PEX14: variants seen among roughly 807,000 people sequenced by gnomAD.
The protein encoded by PEX14 is peroxisomal membrane protein PEX14.
In PEX14, 15 loss-of-function variants were observed where a neutral mutation model predicts 49.5. That is an observed-to-expected ratio of 0.30 (90% CI 0.20 to 0.47). The LOEUF is 0.47. Among genes scored for constraint, PEX14 ranks in the 20% least tolerant of loss-of-function variants. The pLI, the probability that PEX14 is intolerant of heterozygous loss-of-function variation, is 1.00. For synonymous variants in PEX14, 210 were observed against 212.7 expected (o/e 0.99, Z 0.11); for missense variants, 398 against 494.8 (o/e 0.80, Z 1.86).
At chr1:10,475,474 G>A (rs1040714069) in intron 1 of PEX14, among the ~76,000 whole-genome samples, 2 of 152,176 alleles carry the variant, frequency 1.3e-5, no homozygotes, top group African/African-American at 4.8e-5. Flanking sequence ...TCACCTTTGC[G>A]CTTCTCTCGT....
At chr1:10,491,470 T>G (rs879548127) in intron 1 of PEX14, among the ~76,000 whole-genome samples, 4 of 151,156 alleles carry the variant, frequency 2.6e-5, no homozygotes, top group Non-Finnish European at 4.4e-5. Context: ...AATCTCTGCC[T>G]CCTGGGATCA....
At chr1:10,559,736 T>C (rs1162281763) in intron 3 of PEX14, among the ~76,000 whole-genome samples, 1 of 152,202 alleles carries the variant, frequency 6.6e-6, no homozygotes, top group Non-Finnish European at 1.5e-5. Flanking sequence ...TCTACAGAAC[T>C]AGAGACTTCT....
At chr1:10,521,990 T>C (rs2483678) in intron 2 of PEX14, among the ~76,000 whole-genome samples, 123,250 of 152,122 alleles carry the variant, frequency 0.81, 50,037 homozygotes, top group Non-Finnish European at 0.83. Flanking sequence ...GTGATCGTAG[T>C]GTTGTAGGAA....
chr1:10,515,417 A>G (rs905330086), intron 2 of PEX14, among the ~76,000 whole-genome samples: 2 of 152,196 alleles, frequency 1.3e-5, no homozygotes, highest in Non-Finnish European at 2.9e-5. Context: ...TTTGAGGCCG[A>G]GGCTGTTCTG....
intron 3 of PEX14, among the ~76,000 whole-genome samples, chr1:10,574,006 G>A (rs1240707685): frequency 6.6e-6 from 1 of 152,198 alleles, no homozygotes; most frequent in Non-Finnish European, 1.5e-5. Context: ...GGAGGCTGAG[G>A]CAGGATAATC....
At position 10,629,946 on chromosome 1, in the gene PEX14, C is replaced by T. The variant is rs904521069; in HGVS notation, c.1093C>T (p.Arg365Trp). ...GATCAACGAGCAGGTGGAGAAGCTGCGGCGGCCCGAGGGCGCCAGCAACGA... is the reference window on the plus strand; with the variant it reads ...GATCAACGAGCAGGTGGAGAAGCTGTGGCGGCCCGAGGGCGCCAGCAACGA... ...GQINEQVEKL[R>W]RPEGASNESE... Residue 365 changes from arginine to tryptophan, a missense_variant, in exon 9 of 9, where the codon CGG (arginine) becomes TGG (tryptophan). By Grantham distance (101) the Arg-to-Trp change is moderately radical (BLOSUM62 -3). Coordinates refer to ENST00000356607, the MANE Select transcript of PEX14 (RefSeq NM_004565.3). The surrounding 1 kb of genome is among the most constrained non-coding windows in gnomAD (Gnocchi z 8.5). The T allele has an allele frequency of 6.2e-7, 1 of 1,611,854 alleles. No individual in the cohort carries two copies. The highest frequency in any genetic ancestry group is 2.2e-5 in the East Asian group (1 of 44,804).
chr1:10,576,095 T>A lies in PEX14; in HGVS notation c.170-23143T>A, dbSNP rs565119570. Among the ~76,000 whole-genome samples the A allele has an allele frequency of 1.1e-4, 16 of 152,326 alleles. No homozygotes were observed. The South Asian group carries it at 3.3e-3, about 32-fold the overall frequency. ...ATTGGGATATTAGTGCTTTACTTATTGATTTTTAAATACCCTTTATATATT... is the reference window on the plus strand; with the variant it reads ...ATTGGGATATTAGTGCTTTACTTATAGATTTTTAAATACCCTTTATATATT... On this transcript the variant is annotated intron_variant, in intron 3 of 8. Transcript: ENST00000356607.
chr1:10,522,237 G>A (rs1213598658), intron 2 of PEX14, among the ~76,000 whole-genome samples: 3 of 152,210 alleles, frequency 2.0e-5, no homozygotes, highest in Non-Finnish European at 2.9e-5. Flanking sequence ...GGAAATAAAT[G>A]CTTTTATAGA....
At chr1:10,562,914 C>T (rs1055964819) in intron 3 of PEX14, among the ~76,000 whole-genome samples, 5 of 146,004 alleles carry the variant, frequency 3.4e-5, no homozygotes, top group South Asian at 2.1e-4. Flanking sequence ...TTCTTTCTTT[C>T]TTTTCTTTTT....
intron 4 of PEX14, among the ~76,000 whole-genome samples, chr1:10,602,088 A>G (rs1415547705): frequency 6.6e-6 from 1 of 152,220 alleles, no homozygotes; most frequent in Non-Finnish European, 1.5e-5. Context: ...TGAAAGAGGC[A>G]AAAGAATGGG....
intron 2 of PEX14, among the ~76,000 whole-genome samples, chr1:10,516,044 C>A (rs761689439): frequency 5.9e-5 from 9 of 152,200 alleles, no homozygotes; most frequent in Non-Finnish European, 1.0e-4. Flanking sequence ...TAGACTGATG[C>A]TACTGTTTTT....
intron 3 of PEX14, among the ~76,000 whole-genome samples, chr1:10,595,613 C>A (rs1190366120): frequency 6.6e-6 from 1 of 152,178 alleles, no homozygotes; most frequent in Non-Finnish European, 1.5e-5. Flanking sequence ...TTGACTAATT[C>A]TTCCAAAGAT....
rs1640867733 is a variant in PEX14, at chr1:10,597,677, G to C, written c.170-1561G>C. Among the ~76,000 whole-genome samples the C allele has an allele frequency of 6.6e-6, 1 of 152,178 alleles. No homozygotes were observed. Among genetic ancestry groups the C allele is most frequent in the South Asian group, 2.1e-4 (1 of 4,826 alleles). On this transcript the variant is annotated intron_variant, in intron 3 of 8. Coordinates refer to ENST00000356607, the MANE Select transcript of PEX14 (RefSeq NM_004565.3). The surrounding 1 kb of genome is among the most constrained non-coding windows in gnomAD (Gnocchi z 5.7). The stretch of plus-strand genomic sequence containing the variant: ...GAGCATGGTGCTATCAGGGCAACCC[G>C]GTGGCTCTTCAGACTTCCCAGTGGT...
chr1:10,621,012 G>A (rs1641573177), intron 5 of PEX14, among the ~76,000 whole-genome samples: 1 of 152,204 alleles, frequency 6.6e-6, no homozygotes, highest in Non-Finnish European at 1.5e-5. Flanking sequence ...GGCCTGACGG[G>A]AGCGGGAGGG....
At chr1:10,572,441 A>C (rs1640002835) in intron 3 of PEX14, among the ~76,000 whole-genome samples, 1 of 152,232 alleles carries the variant, frequency 6.6e-6, no homozygotes, top group African/African-American at 2.4e-5. Flanking sequence ...AAAATCAAGC[A>C]CTTCTATTCA....
chr1:10,582,278 T>C (rs1229777918), intron 3 of PEX14, among the ~76,000 whole-genome samples: 2 of 152,162 alleles, frequency 1.3e-5, no homozygotes, highest in Non-Finnish European at 2.9e-5. Flanking sequence ...CAGTGTGCTT[T>C]ATTCACATTT....
Position 10,629,714 on chromosome 1 carries a change from G to C in PEX14, c.861G>C (p.Thr287=), listed in dbSNP as rs371329619. The change falls in exon 9 of 9, where the codon ACG becomes ACC. Residue 287 remains threonine (T), a synonymous_variant. Transcript: ENST00000356607. This position sits in a 1 kb window ranked among gnomAD's most constrained non-coding sequence, Gnocchi z 8.5. The stretch of plus-strand genomic sequence containing the variant: ...AGGGCCACAGCCCCGAGGGCTCCAC[G>C]GTCACCTACCACTTGCTGGGCCCCC... ...GKEGHSPEGS[T]VTYHLLGPQE... 5.0e-6 allele frequency: 8 copies of C among 1,607,390 alleles called. No individual in the cohort carries two copies. The highest frequency in any genetic ancestry group is 6.8e-6 in the Non-Finnish European group (8 of 1,177,028).
rs1640873795 is a variant in PEX14 at position 10,597,933 on chromosome 1, C to G, written c.170-1305C>G. Among the ~76,000 whole-genome samples, 1 of 152,228 alleles carries G rather than the reference C, an allele frequency of 6.6e-6. No homozygotes were observed. Among genetic ancestry groups the G allele is most frequent in the African/African-American group, 2.4e-5 (1 of 41,456 alleles). On this transcript the variant is annotated intron_variant, in intron 3 of 8. Coordinates refer to ENST00000356607, the MANE Select transcript of PEX14 (RefSeq NM_004565.3). The surrounding 1 kb of genome is among the most constrained non-coding windows in gnomAD (Gnocchi z 5.7). ...TATGCCAGTATGGTGCAGGGCGGAG[C>G]TGTGCTTTAAAGCATTAATGTGCAC...
intron 2 of PEX14, among the ~76,000 whole-genome samples, chr1:10,508,167 A>G (rs1641819684): frequency 6.6e-6 from 1 of 152,010 alleles, no homozygotes; most frequent in Non-Finnish European, 1.5e-5. Context: ...TCAGAAACAC[A>G]TGAAGGGGAA....
Sources: allele counts gnomAD v4.1 joint callset (sites outside exome capture counted in the v4.1 genomes callset), GRCh38; gene constraint gnomAD v4.1.1; non-coding constraint Gnocchi (gnomAD v3.1); transcripts MANE v1.5; gene names NCBI Gene and HGNC (gene_info 2026-07-23, HGNC 2026-07-21).